Variants in BIRC6 observed in about 807,000 individuals in gnomAD.
The protein encoded by BIRC6 is dual E2 ubiquitin-conjugating enzyme/E3 ubiquitin-protein ligase BIRC6.
BIRC6 carries 98 observed loss-of-function variants against 503.3 expected under a neutral mutation model. That is an observed-to-expected ratio of 0.19 (90% CI 0.17 to 0.23). The LOEUF (loss-of-function observed/expected upper bound fraction) is 0.23, where lower values mean the gene tolerates loss of function less well. Among genes scored for constraint, BIRC6 ranks in the 10% least tolerant of loss-of-function variants. BIRC6 has a pLI of 1.00. For synonymous variants in BIRC6, 2,240 were observed against 2,078.7 expected, an observed-to-expected ratio of 1.08 and a Z score of -2.11; for missense variants, 5,360 against 5,806.0, an observed-to-expected ratio of 0.92 and a Z score of 2.50.
intron 6 of BIRC6, among the ~76,000 whole-genome samples, chr2:32,398,494 C>G (rs1573933235): frequency 6.6e-6 from 1 of 152,230 alleles, no homozygotes; most frequent in East Asian, 1.9e-4. Context: ...GTGTCATGTA[C>G]AGTGACACCA....
In BIRC6 at chr2:32,410,898, C is replaced by T. The variant is rs182083923; in HGVS notation, c.1478-3871C>T. On this transcript the variant is annotated intron_variant, in intron 9 of 73. Transcript: ENST00000421745. The stretch of plus-strand genomic sequence containing the variant: ...TGTATTTTTAGTAGAGACGGGGTTT[C>T]GCTGTGTTAGCCAGGATGGTCTTGA... Among the ~76,000 whole-genome samples, 825 of 152,092 alleles carry T rather than the reference C, an allele frequency of 5.4e-3. 11 individuals carry two copies. The highest frequency in any genetic ancestry group is 0.019 in the African/African-American group (771 of 41,500).
chr2:32,449,937 C>G (rs1001744128), intron 22 of BIRC6, among the ~76,000 whole-genome samples: 2 of 152,174 alleles, frequency 1.3e-5, no homozygotes, highest in African/African-American at 4.8e-5. Context: ...TCTTGATTGC[C>G]TTACACGCAT....
chr2:32,382,553 A>G (rs1202402468), intron 3 of BIRC6, among the ~76,000 whole-genome samples: 4 of 152,202 alleles, frequency 2.6e-5, no homozygotes, highest in Non-Finnish European at 5.9e-5. Flanking sequence ...GAAATACAGT[A>G]TGCAGAGTCC....
chr2:32,446,826 A>G (rs1368500550), intron 21 of BIRC6, among the ~76,000 whole-genome samples: 1 of 120,922 alleles, frequency 8.3e-6, no homozygotes, highest in African/African-American at 3.3e-5. Flanking sequence ...GTCATAGGAC[A>G]ATAGTGGAGG....
intron 39 of BIRC6, 104 bp downstream of exon 39, chr2:32,482,686 G>T: frequency 1.6e-6 from 2 of 1,253,616 alleles, no homozygotes; most frequent in Non-Finnish European, 2.2e-6. Context: ...GTATGCCAGT[G>T]GGTTTAGTAT....
intron 22 of BIRC6, among the ~76,000 whole-genome samples, chr2:32,452,154 G>C (rs1467961266): frequency 6.6e-6 from 1 of 152,020 alleles, no homozygotes; most frequent in African/African-American, 2.4e-5. Flanking sequence ...TATTTGTGTT[G>C]GGTCAGATGT....
intron 45 of BIRC6, among the ~76,000 whole-genome samples, chr2:32,495,635 A>G (rs2052345660): frequency 6.6e-6 from 1 of 152,124 alleles, no homozygotes; most frequent in East Asian, 1.9e-4. Flanking sequence ...CTAAATTGTC[A>G]ACTTTTATGT....
At chr2:32,412,727 G>A (rs572933972) in intron 9 of BIRC6, among the ~76,000 whole-genome samples, 1 of 151,960 alleles carries the variant, frequency 6.6e-6, no homozygotes, top group South Asian at 2.1e-4. Context: ...CAGAGGATGG[G>A]GTGAGAGAGA....
intron 39 of BIRC6, among the ~76,000 whole-genome samples, chr2:32,484,324 G>C (rs973353177): frequency 1.3e-5 from 2 of 152,094 alleles, no homozygotes; most frequent in Non-Finnish European, 2.9e-5. Context: ...GGCCGAGGCA[G>C]GTGGATCACC....
At chr2:32,366,129 C>T (rs893122950) in intron 1 of BIRC6, among the ~76,000 whole-genome samples, 5 of 152,296 alleles carry the variant, frequency 3.3e-5, no homozygotes, top group Non-Finnish European at 5.9e-5. Flanking sequence ...CTTCGGTCTC[C>T]CAAAGTGCTG....
intron 63 of BIRC6, among the ~76,000 whole-genome samples, chr2:32,546,455 C>G (rs2058058942): frequency 6.6e-6 from 1 of 151,950 alleles, no homozygotes; most frequent in African/African-American, 2.4e-5. Flanking sequence ...TGGCGTGTGC[C>G]TGTAATCCCA....
intron 61 of BIRC6, 73 bp from the exon 62 acceptor site, chr2:32,543,168 A>AAAGTT: frequency 7.0e-7 from 1 of 1,420,320 alleles, no homozygotes; most frequent in Non-Finnish European, 9.7e-7. Flanking sequence ...GAGATCATTT[A>AAAGTT]AAGTTAAGTC....
At chr2:32,500,229 A>G (rs2052993279) in intron 46 of BIRC6, 120 bp downstream of exon 46, 3 of 874,412 alleles carry the variant, frequency 3.4e-6, no homozygotes, top group East Asian at 2.6e-5. Context: ...TAAGCTTTTC[A>G]TGACTGATTT....
At position 32,512,995 on chromosome 2, in the gene BIRC6, G is replaced by A. The variant is rs767300722; in HGVS notation, c.10409G>A (p.Gly3470Asp). 1 of 1,613,880 alleles carries A rather than the reference G, an allele frequency of 6.2e-7. No individual in the cohort carries two copies. Among genetic ancestry groups the A allele is most frequent in the Non-Finnish European group, 8.5e-7 (1 of 1,179,842 alleles). ...SARVAAMKRS[G>D]RMNYMCPNSS... ...AGAGTGGCTGCTATGAAGAGAAGTG[G>A]CAGGATGAACTACATGTGTCCTAAC... is the stretch of plus-strand genomic sequence containing the variant. The change falls in exon 54 of 74, where the codon GGC (glycine) becomes GAC (aspartate). Residue 3470 changes from glycine to aspartate, a missense_variant. By Grantham distance (94) the Gly-to-Asp change is moderately conservative (BLOSUM62 -1). Coordinates refer to ENST00000421745, the MANE Select transcript of BIRC6 (RefSeq NM_016252.4).
At chr2:32,542,484 A>G (rs1400216525) in intron 61 of BIRC6, among the ~76,000 whole-genome samples, 1 of 152,240 alleles carries the variant, frequency 6.6e-6, no homozygotes, top group Admixed American at 6.5e-5. Flanking sequence ...GTTAGAATCT[A>G]TACTGATAAA....
chr2:32,496,730 C>A (rs532501803), intron 45 of BIRC6, among the ~76,000 whole-genome samples: 1 of 151,782 alleles, frequency 6.6e-6, no homozygotes. Flanking sequence ...ATTGATTTTC[C>A]AGAAAAAAAT....
At chr2:32,616,622 G>A (rs2063264382) in intron 73 of BIRC6, among the ~76,000 whole-genome samples, 1 of 150,946 alleles carries the variant, frequency 6.6e-6, no homozygotes, top group African/African-American at 2.4e-5. Flanking sequence ...TTTATTCTGA[G>A]CATTAAGTGG....
chr2:32,573,057 C>G (rs1032687547), intron 65 of BIRC6, among the ~76,000 whole-genome samples: 5 of 152,210 alleles, frequency 3.3e-5, no homozygotes, highest in African/African-American at 1.2e-4. Context: ...TTCTATATAG[C>G]ATTCAGAATA....
At chr2:32,502,307 T>C (rs756407446) in intron 47 of BIRC6, among the ~76,000 whole-genome samples, 4 of 152,102 alleles carry the variant, frequency 2.6e-5, no homozygotes, top group Non-Finnish European at 4.4e-5. Flanking sequence ...TTAAAGAAAA[T>C]AGGTTACAAA....
Sources: allele counts gnomAD v4.1 joint callset (sites outside exome capture counted in the v4.1 genomes callset), GRCh38; gene constraint gnomAD v4.1.1; transcripts MANE v1.5; gene names NCBI Gene and HGNC (gene_info 2026-07-23, HGNC 2026-07-21).